The following NAB1 variants were observed in gnomAD, a reference collection of about 807,000 sequenced individuals.
NAB1 encodes the protein NGFI-A-binding protein 1.
Under a neutral mutation model 49.9 loss-of-function variants are expected in NAB1, and 25 were observed. That is an observed-to-expected ratio of 0.50 (90% CI 0.37 to 0.70). The LOEUF is 0.70. Among genes scored for constraint, NAB1 ranks in the 30% least tolerant of loss-of-function variants. NAB1 has a pLI of 0.00. For missense variants in NAB1, 489 were observed against 575.9 expected (o/e 0.85, Z 1.54); for synonymous variants, 198 against 215.6 (o/e 0.92, Z 0.71).
intron 4 of NAB1, among the ~76,000 whole-genome samples, chr2:190,665,322 C>CAAAAA (rs35430342): frequency 7.6e-6 from 1 of 130,994 alleles, no homozygotes. Flanking sequence ...GACTCCATCT[C>CAAAAA]AAAAAAAAAA....
At position 190,670,090 on chromosome 2, in the gene NAB1, A is replaced by G. The variant is rs1327378268; in HGVS notation, c.820-236A>G. Among the ~76,000 whole-genome samples the G allele has an allele frequency of 2.6e-5, 4 of 152,202 alleles. No individual in the cohort carries two copies. Among genetic ancestry groups the G allele is most frequent in the Admixed American group, 1.3e-4 (2 of 15,286 alleles). ...CTATCTAACCAAAAAAAGGATATAAATAAATAAAATCAAGATGACTATTAT... is the reference window on the plus strand; with the variant it reads ...CTATCTAACCAAAAAAAGGATATAAGTAAATAAAATCAAGATGACTATTAT... On this transcript the variant is annotated intron_variant, in intron 4 of 9. Coordinates refer to ENST00000337386, the MANE Select transcript of NAB1 (RefSeq NM_005966.4). This position sits in a 1 kb window ranked among gnomAD's most constrained non-coding sequence, Gnocchi z 5.3.
chr2:190,659,101 T>C lies in NAB1; in HGVS notation c.-19-57T>C, dbSNP rs1694084228. 1 of 1,130,890 alleles carries C rather than the reference T, an allele frequency of 8.8e-7. No individual in the cohort carries two copies. Among genetic ancestry groups the C allele is most frequent in the Non-Finnish European group, 1.2e-6 (1 of 803,692 alleles). 70.1% of individuals were successfully genotyped at this position (1,130,890 alleles called of 1,614,324 possible). On this transcript the variant is annotated intron_variant, in intron 3 of 9. Transcript: ENST00000337386. The surrounding 1 kb of genome is among the most constrained non-coding windows in gnomAD (Gnocchi z 6.2). Reference sequence around the variant, plus strand: ...AAAACCTGTAGTGTAACCTATTTGGTGTAAGGAGTTTGAAGCAAGTATGAT... The same window carrying C: ...AAAACCTGTAGTGTAACCTATTTGGCGTAAGGAGTTTGAAGCAAGTATGAT...
intron 4 of NAB1, among the ~76,000 whole-genome samples, chr2:190,662,607 T>C (rs1028912287): frequency 1.3e-5 from 2 of 152,190 alleles, no homozygotes; most frequent in African/African-American, 4.8e-5. Context: ...TAATAGATAG[T>C]AGGTGGTAAA....
intron 4 of NAB1, among the ~76,000 whole-genome samples, chr2:190,661,112 A>T (rs898685678): frequency 6.6e-6 from 1 of 152,104 alleles, no homozygotes; most frequent in African/African-American, 2.4e-5. Context: ...AGTTTTTCAT[A>T]GAGATGGGAG....
rs1412568205 is a variant in NAB1, at chr2:190,682,764, A to G, written c.1006-974A>G. ...AAAATTAAATGATTTTTGAGTATCA[A>G]AAGTATAGATAAATTGGCATAAATT... On this transcript the variant is annotated intron_variant, in intron 6 of 9. Transcript: ENST00000337386. This position sits in a 1 kb window ranked among gnomAD's most constrained non-coding sequence, Gnocchi z 4.1. 6.6e-6 allele frequency among the ~76,000 whole-genome samples: 1 copy of G among 152,230 alleles called. No individual in the cohort carries two copies. Among genetic ancestry groups the G allele is most frequent in the African/African-American group, 2.4e-5 (1 of 41,452 alleles).
Position 190,687,207 on chromosome 2 carries a change from G to T in NAB1, c.1265G>T (p.Arg422Ile). 2 of 1,565,458 alleles carry T rather than the reference G, an allele frequency of 1.3e-6. No homozygotes were observed. The highest frequency in any genetic ancestry group is 1.7e-6 in the Non-Finnish European group (2 of 1,162,540). ...TCTTTTTTCTTTTCATTAGGAGAAA[G>T]ACCTTTGAATCTCCGAATGCCTAAT... ...TSDNSDGQGE[R>I]PLNLRMPNLQ... is the part of the protein sequence containing the mutation. Residue 422 changes from arginine to isoleucine, a missense_variant, in exon 9 of 10, where the codon AGA becomes ATA. Arg to Ile is a moderately conservative substitution (Grantham distance 97, BLOSUM62 -3). Around this residue, in one of 4 missense-constraint regions of NAB1, gnomAD observed 212 missense variants for 199.3 expected, o/e 1.06. Coordinates refer to ENST00000337386, the MANE Select transcript of NAB1 (RefSeq NM_005966.4).
Position 190,659,965 on chromosome 2 carries a change from G to A in NAB1, c.789G>A (p.Arg263=), listed in dbSNP as rs1206508007. ...TATATGGCAGATTTGACTCAAAGAGGAAGGATGGGAAACATCTCACACTTC... is the reference window on the plus strand; with the variant it reads ...TATATGGCAGATTTGACTCAAAGAGAAAGGATGGGAAACATCTCACACTTC... ...SAIYGRFDSK[R]KDGKHLTLHE... The change falls in exon 4 of 10, where the codon AGG becomes AGA. Residue 263 remains arginine, a synonymous_variant. Transcript: ENST00000337386. The surrounding 1 kb of genome is among the most constrained non-coding windows in gnomAD (Gnocchi z 6.2). 5.6e-6 allele frequency: 9 copies of A among 1,613,342 alleles called. No individual in the cohort carries two copies. Among genetic ancestry groups the A allele is most frequent in the Middle Eastern group, 3.3e-4 (2 of 6,084 alleles).
chr2:190,681,860 T>C (rs1329633260), intron 6 of NAB1, among the ~76,000 whole-genome samples: 2 of 152,236 alleles, frequency 1.3e-5, no homozygotes, highest in East Asian at 3.8e-4. Flanking sequence ...TTTGTTATTA[T>C]TACATTATTC....
chr2:190,659,683 C>T lies in NAB1; in HGVS notation c.507C>T (p.Ser169=), dbSNP rs143327267. ...RLWQGHHATE[S]EHSLSPADLG... The stretch of plus-strand genomic sequence containing the variant: ...GGCAAGGCCACCATGCCACTGAGAG[C>T]GAGCACAGCCTCTCCCCAGCAGACC... The change falls in exon 4 of 10, where the codon AGC becomes AGT. Residue 169 remains serine (S), a synonymous_variant. Transcript: ENST00000337386. The surrounding 1 kb of genome is among the most constrained non-coding windows in gnomAD (Gnocchi z 6.2). The T allele has an allele frequency of 5.6e-5, 90 of 1,613,714 alleles. No homozygotes were observed. The highest frequency in any genetic ancestry group is 3.7e-4 in the South Asian group (34 of 91,056).
Position 190,654,546 on chromosome 2 carries a change from A to G in NAB1, c.-196-1431A>G, listed in dbSNP as rs1003841079. On this transcript the variant is annotated intron_variant, in intron 2 of 9. Coordinates refer to ENST00000337386, the MANE Select transcript of NAB1 (RefSeq NM_005966.4). The surrounding 1 kb of genome is among the most constrained non-coding windows in gnomAD (Gnocchi z 5.6). ...TGGAAGGCATATTTGAGGAATGCCT[A>G]GTGTATCTGCTTGGCACAAGTATAT... 2.6e-5 allele frequency among the ~76,000 whole-genome samples: 4 copies of G among 152,164 alleles called. No individual in the cohort carries two copies. In the East Asian group the frequency reaches 7.7e-4, roughly 29 times the overall value.
In NAB1 at chr2:190,668,316, C is replaced by CT. The variant is rs568248455; in HGVS notation, c.820-2002dup. Among the ~76,000 whole-genome samples the CT allele has an allele frequency of 4.1e-3, 629 of 151,824 alleles. 4 individuals are homozygous for CT. Among genetic ancestry groups the CT allele is most frequent in the African/African-American group, 0.014 (598 of 41,368 alleles). On this transcript the variant is annotated intron_variant, in intron 4 of 9. Coordinates refer to ENST00000337386, the MANE Select transcript of NAB1 (RefSeq NM_005966.4). ...ACACATTTAAGAATCTCTTATGCAG[C>CT]TTTTTTTTAAATAGTCTATGGAAAA...
chr2:190,681,950 A>G (rs1323803915), intron 6 of NAB1, among the ~76,000 whole-genome samples: 1 of 152,188 alleles, frequency 6.6e-6, no homozygotes, highest in Non-Finnish European at 1.5e-5. Context: ...CTTATCAAAG[A>G]AGGGGAGAAA....
At chr2:190,661,087 C>T (rs1308177005) in intron 4 of NAB1, among the ~76,000 whole-genome samples, 1 of 151,960 alleles carries the variant, frequency 6.6e-6, no homozygotes, top group Non-Finnish European at 1.5e-5. Context: ...GCCACCACAC[C>T]AAGTTAATTT....
At position 190,678,504 on chromosome 2, in the gene NAB1, TG is replaced by T. The variant is rs1695180105; in HGVS notation, c.1006-5231del. 6.6e-6 allele frequency among the ~76,000 whole-genome samples: 1 copy of T among 152,234 alleles called. No individual in the cohort carries two copies. The highest frequency in any genetic ancestry group is 2.1e-4 in the South Asian group (1 of 4,828). ...TTCATTCGCTGAAATTGCTGGAGAC[TG>T]GGCAGAGATGGGAAATGACAGCATT... On this transcript the variant is annotated intron_variant, in intron 6 of 9. Coordinates refer to ENST00000337386, the MANE Select transcript of NAB1 (RefSeq NM_005966.4). The surrounding 1 kb of genome is among the most constrained non-coding windows in gnomAD (Gnocchi z 4.9).
intron 5 of NAB1, among the ~76,000 whole-genome samples, chr2:190,672,798 T>G (rs1042571632): frequency 6.7e-6 from 1 of 149,602 alleles, no homozygotes; most frequent in African/African-American, 2.5e-5. Context: ...TTGAACATAG[T>G]GAGACCCCAT....
chr2:190,661,167 C>A (rs757131857), intron 4 of NAB1, among the ~76,000 whole-genome samples: 3 of 152,118 alleles, frequency 2.0e-5, no homozygotes, highest in Non-Finnish European at 2.9e-5. Context: ...CTGGGCTCAA[C>A]TGATAGAACT....
Position 190,685,210 on chromosome 2 carries a change from G to T in NAB1, c.1096-266G>T, listed in dbSNP as rs1259332430. ...TAGTACCTTGGAAAACAAAGCTAAG[G>T]TTATGTTGCTTTTGAGCTGACATGG... On this transcript the variant is annotated intron_variant, in intron 7 of 9. Coordinates refer to ENST00000337386, the MANE Select transcript of NAB1 (RefSeq NM_005966.4). This position sits in a 1 kb window ranked among gnomAD's most constrained non-coding sequence, Gnocchi z 4.5. Among the ~76,000 whole-genome samples the T allele has an allele frequency of 1.3e-5, 2 of 152,214 alleles. No homozygotes were observed. Among genetic ancestry groups the T allele is most frequent in the East Asian group, 3.8e-4 (2 of 5,206 alleles).
rs775331301 is a variant in NAB1 at position 190,687,293 on chromosome 2, A to G, written c.1351A>G (p.Ser451Gly). Residue 451 changes from serine (S) to glycine (G), a missense_variant, in exon 9 of 10, where the codon AGT (serine) becomes GGT (glycine). Physicochemically the swap from Ser to Gly is moderately conservative, Grantham distance 56. Coordinates refer to ENST00000337386, the MANE Select transcript of NAB1 (RefSeq NM_005966.4). ...TGGGGAGCTGAGCAGACTTTACCCC[A>G]GTGAGGCAAAGTCCCACTCATCAGG... ...VDGELSRLYP[S>G]EAKSHSSESL... 8.2e-6 allele frequency: 13 copies of G among 1,593,996 alleles called. No individual in the cohort carries two copies. The Admixed American group carries it at 1.6e-4, about 20-fold the overall frequency.
Position 190,675,324 on chromosome 2 carries a change from G to A in NAB1, c.1005+2172G>A, listed in dbSNP as rs1238294602. Among the ~76,000 whole-genome samples the A allele has an allele frequency of 6.6e-6, 1 of 152,176 alleles. No individual in the cohort carries two copies. Among genetic ancestry groups the A allele is most frequent in the Non-Finnish European group, 1.5e-5 (1 of 68,038 alleles). On this transcript the variant is annotated intron_variant, in intron 6 of 9. Coordinates refer to ENST00000337386, the MANE Select transcript of NAB1 (RefSeq NM_005966.4). This position sits in a 1 kb window ranked among gnomAD's most constrained non-coding sequence, Gnocchi z 5.2. ...GAGGTCACTAAATATTGAAATTTGT[G>A]ATCATGAATCTCATGGACTGTTTGA...
Sources: gnomAD v4.1 joint callset for allele counts (sites outside exome capture counted in the v4.1 genomes callset) on GRCh38, gnomAD v4.1.1 for gene constraint, gnomAD v4.1.1 regional missense constraint, Gnocchi (gnomAD v3.1) non-coding constraint, MANE v1.5 for transcripts, NCBI Gene and HGNC (gene_info 2026-07-23, HGNC 2026-07-21) for gene names.